Variants in IL1RAPL2 observed in about 807,000 individuals in gnomAD.
IL1RAPL2 encodes the protein X-linked interleukin-1 receptor accessory protein-like 2.
In IL1RAPL2, 3 loss-of-function variants were observed where a neutral mutation model predicts 44.1. The ratio of observed to expected loss-of-function variants is 0.07; its 90% confidence interval spans 0.03 to 0.18. The LOEUF (loss-of-function observed/expected upper bound fraction) is 0.18, where lower values mean the gene tolerates loss of function less well. Among genes scored for constraint, IL1RAPL2 ranks in the 10% least tolerant of loss-of-function variants. The probability of loss-of-function intolerance (pLI) is 1.00; values close to 1 mark genes in which losing one functional copy is unlikely to be tolerated. For synonymous variants in IL1RAPL2, 181 were observed against 178.8 expected (o/e 1.01, Z -0.10); for missense variants, 391 against 496.4 (o/e 0.79, Z 2.02).
chrX:105,300,178 C>T (rs752879753), intron 5 of IL1RAPL2, among the ~76,000 whole-genome samples: 9 of 111,336 alleles, frequency 8.1e-5, no homozygotes, highest in Admixed American at 1.9e-4. Flanking sequence ...TCTCACATTA[C>T]TATAAAGAAA....
At chrX:105,260,970 G>A (rs1000612962) in intron 4 of IL1RAPL2, among the ~76,000 whole-genome samples, 2 of 112,089 alleles carry the variant, frequency 1.8e-5, no homozygotes, top group African/African-American at 6.5e-5. Context: ...CTAGGGGTAT[G>A]TTTGGAGGTC....
chrX:105,736,931 A>G (rs941410805), intron 7 of IL1RAPL2, among the ~76,000 whole-genome samples: 5 of 112,187 alleles, frequency 4.5e-5, no homozygotes, highest in African/African-American at 1.6e-4. Context: ...ATGCATGGCT[A>G]TGTTCACCAC....
intron 5 of IL1RAPL2, among the ~76,000 whole-genome samples, chrX:105,287,974 G>A (rs1366540897): frequency 9.0e-6 from 1 of 111,325 alleles, no homozygotes; most frequent in Admixed American, 9.6e-5. Context: ...AGTAGTTACA[G>A]TGCAACAATG....
At position 104,672,843 on chromosome X, in the gene IL1RAPL2, A is replaced by G. The variant is rs1321828064; in HGVS notation, c.82+13848A>G. On this transcript the variant is annotated intron_variant, in intron 2 of 10. Coordinates refer to ENST00000372582, the MANE Select transcript of IL1RAPL2 (RefSeq NM_017416.2). Reference sequence around the variant, plus strand: ...GGTTTTGATTTGCATTTCTCTGATGACCAGTGATGACGAGCATTTTTTCAT... The same window carrying G: ...GGTTTTGATTTGCATTTCTCTGATGGCCAGTGATGACGAGCATTTTTTCAT... 3.6e-5 allele frequency among the ~76,000 whole-genome samples: 4 copies of G among 111,644 alleles called. No homozygotes were observed. The East Asian group carries it at 8.4e-4, about 24-fold the overall frequency.
chrX:105,727,436 A>G (rs1377941183), intron 7 of IL1RAPL2, among the ~76,000 whole-genome samples: 1 of 111,700 alleles, frequency 9.0e-6, no homozygotes, highest in Admixed American at 9.5e-5. Context: ...GAGCACCTAC[A>G]TGTAAATATT....
intron 2 of IL1RAPL2, among the ~76,000 whole-genome samples, chrX:105,027,246 C>G (rs1349854071): frequency 9.0e-6 from 1 of 111,459 alleles, no homozygotes; most frequent in East Asian, 2.8e-4. Context: ...AGAAAATCTC[C>G]AGGACCTTGG....
intron 2 of IL1RAPL2, among the ~76,000 whole-genome samples, chrX:104,850,538 A>T (rs1463999658): frequency 8.9e-6 from 1 of 111,971 alleles, no homozygotes; most frequent in African/African-American, 3.2e-5. Flanking sequence ...ATAAACATTT[A>T]TCTAGGTTTT....
At chrX:104,945,945 T>A in intron 2 of IL1RAPL2, among the ~76,000 whole-genome samples, 1 of 110,676 alleles carries the variant, frequency 9.0e-6, no homozygotes, top group Non-Finnish European at 1.9e-5. Flanking sequence ...TTTTTTTTTC[T>A]TTTTCAGGAT....
intron 2 of IL1RAPL2, among the ~76,000 whole-genome samples, chrX:105,041,411 T>C (rs1911182000): frequency 9.0e-6 from 1 of 110,828 alleles, no homozygotes; most frequent in Non-Finnish European, 1.9e-5. Context: ...GGTGCAGAGC[T>C]GAGTTCGATT....
At chrX:105,706,732 C>T (rs1285717647) in intron 6 of IL1RAPL2, among the ~76,000 whole-genome samples, 1 of 111,723 alleles carries the variant, frequency 9.0e-6, no homozygotes, top group Non-Finnish European at 1.9e-5. Flanking sequence ...CAGAAGCTGA[C>T]TTCTGACTTT....
intron 1 of IL1RAPL2, among the ~76,000 whole-genome samples, chrX:104,644,704 C>A (rs1273089094): frequency 9.0e-6 from 1 of 110,970 alleles, no homozygotes; most frequent in Non-Finnish European, 1.9e-5. Flanking sequence ...TGATGGTATT[C>A]CCCCAAACCA....
At chrX:104,810,693 C>T (rs1044243921) in intron 2 of IL1RAPL2, among the ~76,000 whole-genome samples, 1 of 111,612 alleles carries the variant, frequency 9.0e-6, no homozygotes, top group Non-Finnish European at 1.9e-5. Flanking sequence ...CCTAGCCTGT[C>T]CTAACTGATA....
rs749438323 is a variant in IL1RAPL2, at chrX:105,463,876, C to G, written c.698-20437C>G. 5.5e-4 allele frequency among the ~76,000 whole-genome samples: 62 copies of G among 112,278 alleles called. 1 individual carries two copies. The highest frequency in any genetic ancestry group is 2.0e-3 in the African/African-American group (61 of 31,019). On this transcript the variant is annotated intron_variant, in intron 5 of 10. Transcript: ENST00000372582. ...AAAGTAATTTTGGATGTTTGATATT[C>G]TAGTACTTGGCATATCCTACTCATT...
chrX:105,219,585 C>A (rs782625248), intron 3 of IL1RAPL2: 2 of 1,209,968 alleles, frequency 1.7e-6, no homozygotes, highest in South Asian at 3.5e-5. Context: ...CAGGGGCAGC[C>A]ACAACCTCCA....
At chrX:105,475,432 T>A (rs1399041466) in intron 5 of IL1RAPL2, among the ~76,000 whole-genome samples, 1 of 111,184 alleles carries the variant, frequency 9.0e-6, no homozygotes, top group African/African-American at 3.3e-5. Context: ...CAAATGATGA[T>A]CTTTAAGCAA....
Position 105,658,832 on chromosome X carries a change from C to T in IL1RAPL2, c.773-58535C>T, listed in dbSNP as rs938075880. ...AAAAAATTAGCCAGGCATGGTGGCACGTGCCTTTAGTCCCAGCTACTTGGG... is the reference window on the plus strand; with the variant it reads ...AAAAAATTAGCCAGGCATGGTGGCATGTGCCTTTAGTCCCAGCTACTTGGG... On this transcript the variant is annotated intron_variant, in intron 6 of 10. Coordinates refer to ENST00000372582, the MANE Select transcript of IL1RAPL2 (RefSeq NM_017416.2). 8.3e-5 allele frequency among the ~76,000 whole-genome samples: 9 copies of T among 108,807 alleles called. No homozygotes were observed. The East Asian group carries it at 2.3e-3, about 28-fold the overall frequency. 94.5% of individuals were successfully genotyped at this position (108,807 alleles called of 115,157 possible).
intron 2 of IL1RAPL2, among the ~76,000 whole-genome samples, chrX:105,160,933 A>G (rs753221134): frequency 8.9e-6 from 1 of 111,975 alleles, no homozygotes; most frequent in African/African-American, 3.2e-5. Context: ...ATAGGTAGAC[A>G]GTGTTCCTTT....
intron 6 of IL1RAPL2, among the ~76,000 whole-genome samples, chrX:105,562,510 TAA>T (rs1491111690): frequency 3.2e-5 from 1 of 31,705 alleles, no homozygotes; most frequent in African/African-American, 1.0e-4. Context: ...GAATTGAAAA[TAA>T]ACACACACAC....
chrX:104,906,337 C>G (rs1401862098), intron 2 of IL1RAPL2, among the ~76,000 whole-genome samples: 1 of 110,282 alleles, frequency 9.1e-6, no homozygotes, highest in East Asian at 2.9e-4. Flanking sequence ...ACTTCCAACA[C>G]TATGTTGAAT....
Sources: allele counts gnomAD v4.1 joint callset (sites outside exome capture counted in the v4.1 genomes callset), GRCh38; gene constraint gnomAD v4.1.1; transcripts MANE v1.5; gene names NCBI Gene and HGNC (gene_info 2026-07-23, HGNC 2026-07-21).